PCDHA5: variants seen among roughly 807,000 people sequenced by gnomAD.
The protein encoded by PCDHA5 is protocadherin alpha-5.
Under a neutral mutation model 61.6 loss-of-function variants are expected in PCDHA5, and 43 were observed. That is an observed-to-expected ratio of 0.70 (90% CI 0.55 to 0.90). The LOEUF (loss-of-function observed/expected upper bound fraction) is 0.90, where lower values mean the gene tolerates loss of function less well. Ranked by LOEUF, PCDHA5 falls within the 40% of genes least tolerant of loss-of-function variation. The pLI is 0.00. For missense variants in PCDHA5, 1,298 were observed against 1,222.7 expected (o/e 1.06, Z -0.92); for synonymous variants, 627 against 543.9 (o/e 1.15, Z -2.13).
intron 2 of PCDHA5, among the ~76,000 whole-genome samples, chr5:140,980,413 T>C (rs1218867656): frequency 6.6e-6 from 1 of 152,086 alleles, no homozygotes; most frequent in Admixed American, 6.6e-5. Context: ...GGGCAGATCA[T>C]GAGGTCAAGA....
chr5:140,981,626 T>A (rs1199717691), intron 2 of PCDHA5, among the ~76,000 whole-genome samples: 1 of 152,176 alleles, frequency 6.6e-6, no homozygotes, highest in Middle Eastern at 3.2e-3. Flanking sequence ...GAGGGTTTTC[T>A]TGGACATTTT....
chr5:140,834,418 G>A (rs1248577104), intron 1 of PCDHA5: 19 of 1,611,550 alleles, frequency 1.2e-5, no homozygotes, highest in Non-Finnish European at 1.6e-5. Context: ...CCAGGGGGCC[G>A]ACATCTACTG....
At chr5:140,884,487 T>G (rs374963144) in intron 1 of PCDHA5, 3 of 1,613,832 alleles carry the variant, frequency 1.9e-6, no homozygotes, top group Non-Finnish European at 1.7e-6. Flanking sequence ...CCCACTCTAG[T>G]GTGCTCCAGC....
intron 1 of PCDHA5, among the ~76,000 whole-genome samples, chr5:140,959,768 A>G (rs1554224322): frequency 6.6e-6 from 1 of 152,240 alleles, no homozygotes; most frequent in African/African-American, 2.4e-5. Flanking sequence ...ATATTCAGTA[A>G]GAACAGTGTA....
rs2150117559 is a variant in PCDHA5, at chr5:140,822,587, G to A, written c.812G>A (p.Gly271Asp). 3 of 1,609,596 alleles carry A rather than the reference G, an allele frequency of 1.9e-6. No individual in the cohort carries two copies. Among genetic ancestry groups the A allele is most frequent in the Admixed American group, 3.3e-5 (2 of 59,988 alleles). ...CTGAACGCCTCAGATGCAGATGAGGGCATCAATAAGGAAATAGTGTATTTC... is the reference window on the plus strand; with the variant it reads ...CTGAACGCCTCAGATGCAGATGAGGACATCAATAAGGAAATAGTGTATTTC... ...IKLNASDADEGINKEIVYFFS... is the reference protein window; with the variant it reads ...IKLNASDADEDINKEIVYFFS... The change falls in exon 1 of 4, where the codon GGC becomes GAC. Residue 271 changes from glycine to aspartate, a missense_variant. Coordinates refer to ENST00000529859, the MANE Select transcript of PCDHA5 (RefSeq NM_018908.3).
intron 1 of PCDHA5, chr5:140,842,724 A>G (rs2150343018): frequency 6.3e-7 from 1 of 1,594,394 alleles, no homozygotes; most frequent in Admixed American, 1.7e-5. Flanking sequence ...AAGGAGAACA[A>G]CCCGCCGGGC....
At chr5:140,883,165 T>C in intron 1 of PCDHA5, 1 of 1,613,752 alleles carries the variant, frequency 6.2e-7, no homozygotes, top group Non-Finnish European at 8.5e-7. Context: ...ATCCGAACAA[T>C]GGAGAAATTA....
intron 1 of PCDHA5, chr5:140,926,949 G>C: frequency 3.8e-6 from 6 of 1,592,316 alleles, no homozygotes; most frequent in Non-Finnish European, 5.1e-6. Context: ...GCGCTGCAGC[G>C]GGACAGCTCG....
intron 2 of PCDHA5, among the ~76,000 whole-genome samples, chr5:140,979,718 TGCCATGGG>T (rs1430155366): frequency 1.3e-5 from 2 of 152,270 alleles, no homozygotes; most frequent in Non-Finnish European, 2.9e-5. Context: ...CCAGTATCCA[TGCCATGGG>T]GCCAAATAAA....
At chr5:140,973,004 G>A (rs1183511655) in intron 1 of PCDHA5, among the ~76,000 whole-genome samples, 4 of 152,096 alleles carry the variant, frequency 2.6e-5, no homozygotes, top group African/African-American at 9.7e-5. Flanking sequence ...ATTTGTGGTC[G>A]TGGTGTTGTG....
chr5:140,832,882 G>A (rs1772196387), intron 1 of PCDHA5, among the ~76,000 whole-genome samples: 2 of 152,140 alleles, frequency 1.3e-5, no homozygotes, highest in Admixed American at 6.6e-5. Flanking sequence ...GTTATAAAAT[G>A]GAAAGAGTTT....
intron 1 of PCDHA5, among the ~76,000 whole-genome samples, chr5:140,915,224 G>C (rs2077030896): frequency 6.6e-6 from 1 of 152,144 alleles, no homozygotes; most frequent in African/African-American, 2.4e-5. Context: ...TGGGATTACA[G>C]GCATGAGCCA....
chr5:140,982,089 C>A (rs2096965506), intron 2 of PCDHA5, among the ~76,000 whole-genome samples: 1 of 152,220 alleles, frequency 6.6e-6, no homozygotes, highest in Non-Finnish European at 1.5e-5. Context: ...AACCTAGGAA[C>A]AAGAGAACCT....
At chr5:140,829,229 G>T (rs1554131821) in intron 1 of PCDHA5, 11 of 1,614,240 alleles carry the variant, frequency 6.8e-6, no homozygotes, top group Non-Finnish European at 8.5e-6. Flanking sequence ...CCTCGATTCA[G>T]GTGCCAACGG....
intron 1 of PCDHA5, chr5:140,871,236 ACTCACGCTG>A: frequency 6.2e-7 from 1 of 1,613,908 alleles, no homozygotes; most frequent in Non-Finnish European, 8.5e-7. Context: ...GCCTCCTGGT[ACTCACGCTG>A]CTGCTGTATA....
At chr5:140,842,563 C>T in intron 1 of PCDHA5, 2 of 1,499,332 alleles carry the variant, frequency 1.3e-6, no homozygotes, top group South Asian at 1.2e-5. Flanking sequence ...GCGCCCTGGA[C>T]CGCGAGAGAG....
chr5:140,825,224 C>T (rs2150138653), intron 1 of PCDHA5: 2 of 151,236 alleles, frequency 1.3e-5, no homozygotes, highest in South Asian at 4.2e-4. Context: ...ATTTGTTTTT[C>T]TTTTATCTGG....
chr5:140,871,452 G>C, intron 1 of PCDHA5: 1 of 1,608,608 alleles, frequency 6.2e-7, no homozygotes, highest in Non-Finnish European at 8.5e-7. Context: ...ATAAAGAGGA[G>C]GAAGGGGAAA....
At chr5:140,990,073 G>A (rs559119700) in intron 3 of PCDHA5, among the ~76,000 whole-genome samples, 6 of 152,178 alleles carry the variant, frequency 3.9e-5, no homozygotes, top group East Asian at 1.9e-4. Context: ...AAATAAGGGG[G>A]ACAAAGGATG....
Sources: gnomAD v4.1 joint callset for allele counts (sites outside exome capture counted in the v4.1 genomes callset) on GRCh38, gnomAD v4.1.1 for gene constraint, MANE v1.5 for transcripts, NCBI Gene and HGNC (gene_info 2026-07-23, HGNC 2026-07-21) for gene names.